Variants in TTC6 observed in about 807,000 individuals in gnomAD.
TTC6 encodes tetratricopeptide repeat protein 6.
A neutral mutation model predicts 210.4 loss-of-function variants in TTC6; 172 were observed. The ratio of observed to expected loss-of-function variants is 0.82; its 90% CI spans 0.72 to 0.93. TTC6 has a LOEUF of 0.93. Ranked by LOEUF, TTC6 falls within the 40% of genes least tolerant of loss-of-function variation. The probability of loss-of-function intolerance (pLI) is 0.00; values close to 1 mark genes in which losing one functional copy is unlikely to be tolerated. For missense variants in TTC6, 2,414 were observed against 2,318.1 expected (o/e 1.04, Z -0.85); for synonymous variants, 804 against 819.6 (o/e 0.98, Z 0.32).
chr14:37,630,911 T>G (rs1412588785), intron 1 of TTC6, among the ~76,000 whole-genome samples: 3 of 39,554 alleles, frequency 7.6e-5, no homozygotes, highest in Admixed American at 6.9e-4. Context: ...ACCCCTGTTT[T>G]TTTTTTTTTT....
At chr14:37,697,574 AG>A (rs1005286301) in intron 4 of TTC6, among the ~76,000 whole-genome samples, 3 of 152,238 alleles carry the variant, frequency 2.0e-5, no homozygotes, top group African/African-American at 4.8e-5. Context: ...CATGGAAGAC[AG>A]CCTTTTTATG....
At chr14:37,781,980 G>C (rs1278544513) in intron 14 of TTC6, among the ~76,000 whole-genome samples, 1 of 152,060 alleles carries the variant, frequency 6.6e-6, no homozygotes, top group Admixed American at 6.6e-5. Flanking sequence ...TGTTTCATTG[G>C]TCTATATCTC....
intron 4 of TTC6, 138 bp downstream of exon 6, chr14:37,696,973 A>G (rs1020651653): frequency 7.3e-6 from 3 of 408,588 alleles, no homozygotes; most frequent in African/African-American, 6.2e-5. Flanking sequence ...ACCTTCTCAC[A>G]GGAAAAGTTG....
intron 14 of TTC6, among the ~76,000 whole-genome samples, chr14:37,770,907 T>G (rs2096333354): frequency 6.7e-6 from 1 of 148,422 alleles, no homozygotes; most frequent in Non-Finnish European, 1.5e-5. Flanking sequence ...CTCGATGGTC[T>G]TTACATTTTG....
rs1441790543 is a variant in TTC6 at position 37,799,589 on chromosome 14, A to G, written c.4029+2642A>G. 2.6e-5 allele frequency among the ~76,000 whole-genome samples: 4 copies of G among 152,148 alleles called. No individual in the cohort carries two copies. In the East Asian group the frequency reaches 7.7e-4, roughly 29 times the overall value. ...GTCACTCCCATGATTATATTAGGTT[A>G]TGTAGTAGACTGGAGAGAGAAATTC... is the stretch of plus-strand genomic sequence containing the variant. On this transcript the variant is annotated intron_variant, in intron 20 of 30. Transcript: ENST00000553443.
At chr14:37,688,454 C>T (rs1489570109) in intron 3 of TTC6, among the ~76,000 whole-genome samples, 1 of 151,966 alleles carries the variant, frequency 6.6e-6, no homozygotes, top group Admixed American at 6.6e-5. Flanking sequence ...TAAGTAGTGG[C>T]CAGGGAGTGG....
In TTC6 at chr14:37,841,061, G is replaced by A. The variant is rs191956650; in HGVS notation, c.5299-384G>A. ...TTTTTGTATTTTTAGTAGAGATGGGGTTTCCCCATGTTGGCTAGGCTGGTC... is the reference window on the plus strand; with the variant it reads ...TTTTTGTATTTTTAGTAGAGATGGGATTTCCCCATGTTGGCTAGGCTGGTC... On this transcript the variant is annotated intron_variant, in intron 29 of 30. Transcript: ENST00000553443. Among the ~76,000 whole-genome samples, 1,026 of 152,214 alleles carry A rather than the reference G, an allele frequency of 6.7e-3. 3 individuals are homozygous for A. Among genetic ancestry groups the A allele is most frequent in the Non-Finnish European group, 0.01 (694 of 68,006 alleles).
intron 1 of TTC6, among the ~76,000 whole-genome samples, chr14:37,638,021 A>G (rs2095684344): frequency 6.6e-6 from 1 of 152,202 alleles, no homozygotes; most frequent in Admixed American, 6.5e-5. Flanking sequence ...GCTTGCATGA[A>G]AATCTGAGAC....
chr14:37,617,056 T>G (rs866744403), intron 2 of TTC6, among the ~76,000 whole-genome samples: 6 of 152,104 alleles, frequency 3.9e-5, no homozygotes, highest in Middle Eastern at 3.4e-3. Flanking sequence ...TTTTACTTTT[T>G]GTAGAGACAG....
exon 1 of TTC6, chr14:37,622,802 A>G: frequency 6.5e-7 from 1 of 1,534,120 alleles, no homozygotes; most frequent in East Asian, 2.4e-5. Flanking sequence ...CGGGGTTAGG[A>G]GCCCAGGGAG....
intron 3 of TTC6, among the ~76,000 whole-genome samples, chr14:37,683,625 A>G (rs1010234328): frequency 6.6e-6 from 1 of 152,088 alleles, no homozygotes; most frequent in African/African-American, 2.4e-5. Context: ...GTTCTATTGT[A>G]TTATTAGTTA....
At chr14:37,704,148 A>G (rs768438997) in intron 5 of TTC6, among the ~76,000 whole-genome samples, 9 of 152,142 alleles carry the variant, frequency 5.9e-5, no homozygotes, top group Non-Finnish European at 7.4e-5. Context: ...GCGCAATGGC[A>G]TAATAATAGC....
chr14:37,737,735 G>T lies in TTC6; in HGVS notation c.1983+1G>T. The T allele has an allele frequency of 6.8e-7, 1 of 1,472,636 alleles. No homozygotes were observed. Among genetic ancestry groups the T allele is most frequent in the South Asian group, 1.3e-5 (1 of 74,976 alleles). The allele number at this position is 1,472,636 out of a possible 1,614,324, so 91.2% of individuals were successfully genotyped here. A position where few individuals can be genotyped will look rare whatever the true frequency, so the allele number is the denominator to read the frequency against. On this transcript the variant is annotated splice_donor_variant, in intron 9 of 30. Coordinates refer to ENST00000553443, the Ensembl canonical transcript of TTC6. LOFTEE classifies it high-confidence loss of function. ...TAGTGCACAACCTACACAACTAAGG[G>T]TATTATAATTTTACAGTTTTTACTC...
chr14:37,749,304 A>G (rs1039573973), exon 11 of TTC6: 3 of 1,522,108 alleles, frequency 2.0e-6, no homozygotes, highest in African/African-American at 1.4e-5. Flanking sequence ...GAAGAAATAA[A>G]TGATAAGACA....
At chr14:37,628,960 G>T (rs1176893223) in intron 1 of TTC6, among the ~76,000 whole-genome samples, 1 of 152,092 alleles carries the variant, frequency 6.6e-6, no homozygotes, top group Non-Finnish European at 1.5e-5. Context: ...TGTTCCATTG[G>T]TCTATATATC....
chr14:37,818,869 T>A (rs79769377), intron 26 of TTC6, among the ~76,000 whole-genome samples: 3,801 of 152,268 alleles, frequency 0.025, 163 homozygotes, highest in African/African-American at 0.086. Flanking sequence ...GTATTTGTTT[T>A]GGTGGGTGGG....
chr14:37,831,493 A>G (rs892169089), intron 29 of TTC6, among the ~76,000 whole-genome samples: 2 of 152,140 alleles, frequency 1.3e-5, no homozygotes, highest in Admixed American at 1.3e-4. Context: ...AGGAACCTTC[A>G]TACAGTTTTC....
intron 18 of TTC6, among the ~76,000 whole-genome samples, 165 bp downstream of exon 20, chr14:37,795,517 A>G (rs1186221693): frequency 6.6e-6 from 1 of 152,180 alleles, no homozygotes; most frequent in Non-Finnish European, 1.5e-5. Context: ...ACTTTGAGAT[A>G]GTTTATTACA....
chr14:37,732,284 G>A lies in TTC6; in HGVS notation c.1819-3637G>A, dbSNP rs903769994. Among the ~76,000 whole-genome samples, 11 of 134,720 alleles carry A rather than the reference G, an allele frequency of 8.2e-5. No individual in the cohort carries two copies. The East Asian group carries it at 1.5e-3, about 18-fold the overall frequency. The allele number at this position is 134,720 out of a possible 152,430, so 88.4% of individuals were successfully genotyped here. A position where few individuals can be genotyped will look rare whatever the true frequency, so the allele number is the denominator to read the frequency against. On this transcript the variant is annotated intron_variant, in intron 7 of 30. Coordinates refer to ENST00000553443, the Ensembl canonical transcript of TTC6. Reference sequence around the variant, plus strand: ...TGCAAGCTCTGCCTCCTGGTTTCACGCCATTCTCCTGCCTCAGCCTCCCGA... The same window carrying A: ...TGCAAGCTCTGCCTCCTGGTTTCACACCATTCTCCTGCCTCAGCCTCCCGA...
Sources: allele counts gnomAD v4.1 joint callset (sites outside exome capture counted in the v4.1 genomes callset), GRCh38; gene constraint gnomAD v4.1.1; transcripts MANE v1.5; gene names NCBI Gene and HGNC (gene_info 2026-07-23, HGNC 2026-07-21).